GNB1L: variants seen among roughly 807,000 people sequenced by gnomAD.
The protein encoded by GNB1L is G protein subunit beta 1 like.
A neutral mutation model predicts 29.1 loss-of-function variants in GNB1L; 20 were observed. That is an observed-to-expected ratio of 0.69 (90% CI 0.48 to 1.00). The LOEUF (loss-of-function observed/expected upper bound fraction) is 1.00, where lower values mean the gene tolerates loss of function less well. Ranked by LOEUF, GNB1L falls within the 50% of genes least tolerant of loss-of-function variation. The pLI is 0.00. For missense variants in GNB1L, 421 were observed against 464.9 expected (o/e 0.91, Z 0.87); for synonymous variants, 193 against 206.5 (o/e 0.93, Z 0.56).
chr22:19,810,979 G>A (rs924664479), intron 5 of GNB1L, among the ~76,000 whole-genome samples: 25 of 152,204 alleles, frequency 1.6e-4, no homozygotes, highest in Admixed American at 2.6e-4. Flanking sequence ...GGGGGTGGCC[G>A]AGACCAGCGC....
At chr22:19,851,250 G>C (rs781619094) in intron 2 of GNB1L, 4 of 1,606,748 alleles carry the variant, frequency 2.5e-6, no homozygotes, top group South Asian at 1.1e-5. Context: ...GACACCTCCT[G>C]GTCTCCCTCT....
At chr22:19,831,364 A>C (rs1169695627) in intron 2 of GNB1L, among the ~76,000 whole-genome samples, 1 of 86,596 alleles carries the variant, frequency 1.2e-5, no homozygotes, top group African/African-American at 5.7e-5. Flanking sequence ...GACTCTATCT[A>C]AAAAAAAAAA....
intron 2 of GNB1L, among the ~76,000 whole-genome samples, chr22:19,853,998 G>T (rs1938174708): frequency 2.6e-5 from 4 of 152,046 alleles, no homozygotes; most frequent in Admixed American, 6.6e-5. Flanking sequence ...ACTCACCTGC[G>T]CACCTGTGTC....
At chr22:19,837,467 C>A (rs1313341974) in intron 2 of GNB1L, among the ~76,000 whole-genome samples, 4 of 152,072 alleles carry the variant, frequency 2.6e-5, no homozygotes, top group African/African-American at 4.8e-5. Flanking sequence ...ATGCAAATGG[C>A]AAATAAGGAC....
Position 19,806,770 on chromosome 22 carries a change from AAAC to A in GNB1L, c.418-16_418-14del. 1 of 1,592,096 alleles carries A rather than the reference AAAC, an allele frequency of 6.3e-7. No homozygotes were observed. Among genetic ancestry groups the A allele is most frequent in the Non-Finnish European group, 8.6e-7 (1 of 1,160,294 alleles). On this transcript the variant is annotated splice_polypyrimidine_tract_variant and intron_variant, in intron 5 of 7. Coordinates refer to ENST00000329517, the MANE Select transcript of GNB1L (RefSeq NM_053004.3). ...CCAGAATCTGAACCTGACAGTAAGAAAACAAGTTGATTTGGGCCGTCGCCAAGT... is the reference window on the plus strand; with the variant it reads ...CCAGAATCTGAACCTGACAGTAAGAAAAGTTGATTTGGGCCGTCGCCAAGT...
chr22:19,847,481 C>T, intron 2 of GNB1L: 1 of 985,448 alleles, frequency 1.0e-6, no homozygotes, highest in Non-Finnish European at 1.2e-6. Flanking sequence ...TCTCATTCAA[C>T]CCTTCTAACC....
At position 19,788,839 on chromosome 22, in the gene GNB1L, A is replaced by G. The variant is rs1484681680; in HGVS notation, c.854T>C (p.Met285Thr). 1 of 1,612,604 alleles carries G rather than the reference A, an allele frequency of 6.2e-7. No individual in the cohort carries two copies. Among genetic ancestry groups the G allele is most frequent in the South Asian group, 1.1e-5 (1 of 91,058 alleles). Reference protein sequence around the residue: ...HRIRVFHWRTMQPLAVLAFHS... With the variant: ...HRIRVFHWRTTQPLAVLAFHS... The stretch of plus-strand genomic sequence containing the variant: ...GAAGGCCAGCACGGCCAGTGGCTGC[A>G]TCGTCCGCCAGTGGAACACGCGGAT... The change falls in exon 8 of 8, where the codon ATG (methionine) becomes ACG (threonine). Residue 285 changes from methionine to threonine, a missense_variant. By Grantham distance (81) the Met-to-Thr change is moderately conservative. Transcript: ENST00000329517.
At chr22:19,844,103 G>C (rs923304437) in intron 2 of GNB1L, among the ~76,000 whole-genome samples, 1 of 152,198 alleles carries the variant, frequency 6.6e-6, no homozygotes, top group Non-Finnish European at 1.5e-5. Flanking sequence ...CAGTGAGCCA[G>C]GTGGGGCCCA....
chr22:19,811,230 G>C (rs1427075593), intron 5 of GNB1L, among the ~76,000 whole-genome samples: 1 of 152,196 alleles, frequency 6.6e-6, no homozygotes, highest in Non-Finnish European at 1.5e-5. Flanking sequence ...TCTGCCTGAA[G>C]ACAGAACGAC....
chr22:19,828,767 G>A (rs1010426238), intron 2 of GNB1L, among the ~76,000 whole-genome samples: 5 of 151,270 alleles, frequency 3.3e-5, no homozygotes, highest in Non-Finnish European at 7.4e-5. Flanking sequence ...GAGCAGAAAC[G>A]ACAGGAGATG....
intron 7 of GNB1L, among the ~76,000 whole-genome samples, chr22:19,789,455 G>A (rs1047996924): frequency 2.0e-5 from 3 of 152,182 alleles, no homozygotes; most frequent in South Asian, 2.1e-4. Flanking sequence ...CCCCAAGCTC[G>A]ACAGGGCTGG....
At chr22:19,849,008 T>G (rs1425089773) in intron 2 of GNB1L, 3 of 985,312 alleles carry the variant, frequency 3.0e-6, no homozygotes, top group Non-Finnish European at 3.6e-6. Flanking sequence ...CAGGGAGCAG[T>G]CTGACCCAAC....
At chr22:19,835,227 A>AC (rs1289675315) in intron 2 of GNB1L, among the ~76,000 whole-genome samples, 1 of 152,202 alleles carries the variant, frequency 6.6e-6, no homozygotes, top group Admixed American at 6.5e-5. Flanking sequence ...CATACAGAAG[A>AC]CCTGACTAAT....
chr22:19,842,296 C>T (rs1044767846), intron 2 of GNB1L, among the ~76,000 whole-genome samples: 3 of 152,272 alleles, frequency 2.0e-5, no homozygotes, highest in Non-Finnish European at 2.9e-5. Context: ...TTCACTGGCA[C>T]ACATCTCAGT....
At chr22:19,849,867 G>C in intron 2 of GNB1L, 1 of 985,416 alleles carries the variant, frequency 1.0e-6, no homozygotes, top group Non-Finnish European at 1.2e-6. Flanking sequence ...ACACTGGGCG[G>C]CTGTACCTGC....
chr22:19,820,352 C>G (rs1447097649), intron 4 of GNB1L, among the ~76,000 whole-genome samples: 2 of 152,236 alleles, frequency 1.3e-5, no homozygotes, highest in Non-Finnish European at 2.9e-5. Context: ...TCACCTGGCA[C>G]CTCCTGGCTC....
rs1937210560 is a variant in GNB1L, at chr22:19,788,335, G to T, written c.*374C>A. ...GTGTGAGGGTGGGGCTGAGCATCCTGCCTGGTGGGGGTCTGAGGGCACTGA... is the reference window on the plus strand; with the variant it reads ...GTGTGAGGGTGGGGCTGAGCATCCTTCCTGGTGGGGGTCTGAGGGCACTGA... On this transcript the variant is annotated 3_prime_UTR_variant, in exon 8 of 8. Coordinates refer to ENST00000329517, the MANE Select transcript of GNB1L (RefSeq NM_053004.3). 1 of 558,256 alleles carries T rather than the reference G, an allele frequency of 1.8e-6. No individual in the cohort carries two copies. The highest frequency in any genetic ancestry group is 3.2e-6 in the Non-Finnish European group (1 of 314,646). 34.6% of individuals were successfully genotyped at this position (558,256 alleles called of 1,614,324 possible). A position where few individuals can be genotyped will look rare whatever the true frequency, so the allele number is the denominator to read the frequency against.
intron 4 of GNB1L, among the ~76,000 whole-genome samples, chr22:19,814,626 G>A (rs1000980077): frequency 3.9e-5 from 6 of 152,196 alleles, no homozygotes; most frequent in African/African-American, 1.4e-4. Context: ...ATGGACTCCG[G>A]GATGACAGGA....
chr22:19,842,437 G>A (rs1187171854), intron 2 of GNB1L, among the ~76,000 whole-genome samples: 1 of 152,250 alleles, frequency 6.6e-6, no homozygotes, highest in Non-Finnish European at 1.5e-5. Flanking sequence ...AGTCACTGAT[G>A]TCTGCCCACC....
Sources: gnomAD v4.1 joint callset for allele counts (sites outside exome capture counted in the v4.1 genomes callset) on GRCh38, gnomAD v4.1.1 for gene constraint, MANE v1.5 for transcripts, NCBI Gene and HGNC (gene_info 2026-07-23, HGNC 2026-07-21) for gene names.